Variants in KLHL26 observed in about 807,000 individuals in gnomAD.
KLHL26 encodes the protein kelch-like protein 26.
A neutral mutation model predicts 7.1 loss-of-function variants in KLHL26; 4 were observed. The ratio of observed to expected loss-of-function variants is 0.56; its 90% CI spans 0.28 to 1.28. The LOEUF (loss-of-function observed/expected upper bound fraction) is 1.28. KLHL26 is among the 50% of genes most tolerant of loss of function. The pLI is 0.11. For synonymous variants in KLHL26, 465 were observed against 414.1 expected (o/e 1.12, Z -1.49); for missense variants, 896 against 924.6 (o/e 0.97, Z 0.40).
rs779057011 is a variant in KLHL26 at position 18,669,249 on chromosome 19, C to T, written c.*4C>T. On this transcript the variant is annotated 3_prime_UTR_variant, in exon 3 of 3. Coordinates refer to ENST00000300976, the MANE Select transcript of KLHL26 (RefSeq NM_018316.3). The stretch of plus-strand genomic sequence containing the variant: ...CCGGGCCGGGACCAGGAGGTAGCCC[C>T]CAAGACCCCCGGGACCCTGGCCTGA... 2.4e-5 allele frequency: 39 copies of T among 1,604,742 alleles called. No individual in the cohort carries two copies. Among genetic ancestry groups the T allele is most frequent in the Non-Finnish European group, 3.1e-5 (37 of 1,178,006 alleles).
intron 1 of KLHL26, among the ~76,000 whole-genome samples, chr19:18,657,972 G>C (rs2052351314): frequency 6.6e-6 from 1 of 152,152 alleles, no homozygotes; most frequent in Non-Finnish European, 1.5e-5. Context: ...CCAGTGCTGT[G>C]AAACATTGTG....
At chr19:18,659,560 C>G (rs1268805167) in intron 1 of KLHL26, 1 of 152,266 alleles carries the variant, frequency 6.6e-6, no homozygotes, top group Non-Finnish European at 1.5e-5. Flanking sequence ...AGGCTCCGTT[C>G]TGGCCCGAGC....
chr19:18,648,838 T>C lies in KLHL26; in HGVS notation c.83+11701T>C, dbSNP rs1324413701. Among the ~76,000 whole-genome samples, 1 of 152,010 alleles carries C rather than the reference T, an allele frequency of 6.6e-6. No homozygotes were observed. Among genetic ancestry groups the C allele is most frequent in the Non-Finnish European group, 1.5e-5 (1 of 67,994 alleles). Reference sequence around the variant, plus strand: ...ACAGCCTGGAGCCAGCTCCTCCTGCTCTCTCCTCCCCATCCCAGCTCAGAG... The same window carrying C: ...ACAGCCTGGAGCCAGCTCCTCCTGCCCTCTCCTCCCCATCCCAGCTCAGAG... On this transcript the variant is annotated intron_variant, in intron 1 of 2. Transcript: ENST00000300976. This position sits in a 1 kb window ranked among gnomAD's most constrained non-coding sequence, Gnocchi z 4.9.
intron 1 of KLHL26, among the ~76,000 whole-genome samples, chr19:18,647,766 G>A (rs941452680): frequency 2.6e-5 from 4 of 152,134 alleles, no homozygotes; most frequent in Non-Finnish European, 4.4e-5. Context: ...GGAAGAAGGG[G>A]GTGGGATCTA....
Position 18,664,304 on chromosome 19 carries a change from C to T in KLHL26, c.127C>T (p.Pro43Ser), listed in dbSNP as rs765711056. 9.9e-6 allele frequency: 16 copies of T among 1,608,372 alleles called. No individual in the cohort carries two copies. Among genetic ancestry groups the T allele is most frequent in the Middle Eastern group, 1.6e-4 (1 of 6,082 alleles). ...GGCCCTCAAGTGCACCTTCTCGGCA[C>T]CCAGCCACAGCACCAGCCTCCTGCA... is the stretch of plus-strand genomic sequence containing the variant. ...NGALKCTFSA[P>S]SHSTSLLQGL... Residue 43 changes from proline to serine, a missense_variant, in exon 2 of 3, where the codon CCC becomes TCC. By Grantham distance (74) the Pro-to-Ser change is moderately conservative. Transcript: ENST00000300976.
intron 1 of KLHL26, among the ~76,000 whole-genome samples, chr19:18,639,061 C>T (rs1437080800): frequency 6.6e-6 from 1 of 151,858 alleles, no homozygotes; most frequent in Non-Finnish European, 1.5e-5. Context: ...ATACAATTCA[C>T]TCATTTTGTT....
At chr19:18,665,601 G>A (rs995104534) in intron 2 of KLHL26, among the ~76,000 whole-genome samples, 3 of 152,226 alleles carry the variant, frequency 2.0e-5, no homozygotes, top group Non-Finnish European at 4.4e-5. Context: ...CCTGAGCTGT[G>A]GGCACTTCCC....
intron 1 of KLHL26, 54 bp from the exon 2 acceptor site, chr19:18,664,207 A>G (rs1160601527): frequency 1.4e-6 from 2 of 1,480,352 alleles, no homozygotes; most frequent in Admixed American, 2.0e-5. Context: ...TGTTCAAGGT[A>G]ATAGTGTGTG....
intron 2 of KLHL26, among the ~76,000 whole-genome samples, chr19:18,665,021 G>A (rs2052433104): frequency 6.6e-6 from 1 of 151,416 alleles, no homozygotes; most frequent in Admixed American, 6.6e-5. Flanking sequence ...TACCCTGCAT[G>A]CAGGGTGGCA....
At chr19:18,647,197 C>T (rs535170591) in intron 1 of KLHL26, among the ~76,000 whole-genome samples, 220 of 152,234 alleles carry the variant, frequency 1.4e-3, no homozygotes, top group Non-Finnish European at 2.7e-3. Context: ...CTGAATCGTG[C>T]AGTGCGATCG....
In KLHL26 at chr19:18,649,290, A is replaced by T. The variant is rs1234109832; in HGVS notation, c.83+12153A>T. On this transcript the variant is annotated intron_variant, in intron 1 of 2. Transcript: ENST00000300976. The surrounding 1 kb of genome is among the most constrained non-coding windows in gnomAD (Gnocchi z 4.0). Reference sequence around the variant, plus strand: ...GCGCTGGCACAGCTACTGGCACGGGATGGATGCTTTTGAGTGTAGATCCAG... The same window carrying T: ...GCGCTGGCACAGCTACTGGCACGGGTTGGATGCTTTTGAGTGTAGATCCAG... 2.6e-5 allele frequency among the ~76,000 whole-genome samples: 4 copies of T among 152,140 alleles called. 1 individual carries two copies. The South Asian group carries it at 6.2e-4, about 24-fold the overall frequency.
chr19:18,663,481 G>T (rs1018145241), intron 1 of KLHL26, among the ~76,000 whole-genome samples: 1 of 152,122 alleles, frequency 6.6e-6, no homozygotes, highest in Non-Finnish European at 1.5e-5. Context: ...GTCTCCTCCC[G>T]CTTTCTTGGA....
At chr19:18,661,830 TG>T (rs2052394769) in intron 1 of KLHL26, among the ~76,000 whole-genome samples, 4 of 151,956 alleles carry the variant, frequency 2.6e-5, no homozygotes, top group Admixed American at 6.6e-5. Context: ...CAAGCGAGGC[TG>T]ACTCTTACGT....
chr19:18,669,276 C>G lies in KLHL26; in HGVS notation c.*31C>G. 1.9e-6 allele frequency: 3 copies of G among 1,545,148 alleles called. No individual in the cohort carries two copies. The highest frequency in any genetic ancestry group is 2.6e-6 in the Non-Finnish European group (3 of 1,135,780). ...AAGACCCCCGGGACCCTGGCCTGAC[C>G]GCATGTTGTCTCCAAGTGGGGCTTG... is the stretch of plus-strand genomic sequence containing the variant. On this transcript the variant is annotated 3_prime_UTR_variant, in exon 3 of 3. Coordinates refer to ENST00000300976, the MANE Select transcript of KLHL26 (RefSeq NM_018316.3).
Position 18,650,781 on chromosome 19 carries a change from G to A in KLHL26, c.84-13480G>A, listed in dbSNP as rs2052245006. ...GGCAGCTTGCTGACCTTTTCTGGGA[G>A]TCGTGGCGGACGGAGTGGAGCCGTC... On this transcript the variant is annotated intron_variant, in intron 1 of 2. Coordinates refer to ENST00000300976, the MANE Select transcript of KLHL26 (RefSeq NM_018316.3). The surrounding 1 kb of genome is among the most constrained non-coding windows in gnomAD (Gnocchi z 4.2). Among the ~76,000 whole-genome samples, 1 of 152,234 alleles carries A rather than the reference G, an allele frequency of 6.6e-6. No homozygotes were observed. Among genetic ancestry groups the A allele is most frequent in the Non-Finnish European group, 1.5e-5 (1 of 68,042 alleles).
Position 18,648,011 on chromosome 19 carries a change from T to TGGGCCAGG in KLHL26, c.83+10884_83+10891dup, listed in dbSNP as rs1486494605. Among the ~76,000 whole-genome samples the TGGGCCAGG allele has an allele frequency of 2.0e-5, 3 of 152,186 alleles. No individual in the cohort carries two copies. Among genetic ancestry groups the TGGGCCAGG allele is most frequent in the Admixed American group, 6.5e-5 (1 of 15,278 alleles). On this transcript the variant is annotated intron_variant, in intron 1 of 2. Transcript: ENST00000300976. This position sits in a 1 kb window ranked among gnomAD's most constrained non-coding sequence, Gnocchi z 4.9. ...GTCGTGCGGTCATTTCCGGGCTGGC[T>TGGGCCAGG]GGGCCAGGGGGCCAGGGCAGGGTTT...
chr19:18,652,283 C>A (rs1384934707), intron 1 of KLHL26, among the ~76,000 whole-genome samples: 1 of 152,084 alleles, frequency 6.6e-6, no homozygotes, highest in Non-Finnish European at 1.5e-5. Context: ...AAGCAGTGAG[C>A]TAAGATAAGA....
At chr19:18,665,156 A>G (rs1423751661) in intron 2 of KLHL26, among the ~76,000 whole-genome samples, 1 of 151,480 alleles carries the variant, frequency 6.6e-6, no homozygotes, top group Non-Finnish European at 1.5e-5. Context: ...TCCCGGGTTC[A>G]AGCGATTCTC....
rs1228724486 is a variant in KLHL26, at chr19:18,669,976, T to G, written c.*731T>G. 1 of 152,280 alleles carries G rather than the reference T, an allele frequency of 6.6e-6. No homozygotes were observed. The highest frequency in any genetic ancestry group is 1.5e-5 in the Non-Finnish European group (1 of 68,074). 9.4% of individuals were successfully genotyped at this position (152,280 alleles called of 1,614,324 possible). On this transcript the variant is annotated 3_prime_UTR_variant, in exon 3 of 3. Transcript: ENST00000300976. ...ACCTTCCATTTGGCACTGAGCATCT[T>G]GTGGGGCCTTAACTGGCTGAGACAT... is the stretch of plus-strand genomic sequence containing the variant.
Sources: allele counts gnomAD v4.1 joint callset (sites outside exome capture counted in the v4.1 genomes callset), GRCh38; gene constraint gnomAD v4.1.1; non-coding constraint Gnocchi (gnomAD v3.1); transcripts MANE v1.5; gene names NCBI Gene and HGNC (gene_info 2026-07-23, HGNC 2026-07-21).